Variants in UBTD2 observed in about 807,000 individuals in gnomAD.
UBTD2 encodes the protein ubiquitin domain-containing protein 2.
In UBTD2, 9 loss-of-function variants were observed where a neutral mutation model predicts 19.8. The ratio of observed to expected loss-of-function variants is 0.46; its 90% CI spans 0.27 to 0.79. UBTD2 has a LOEUF of 0.79. Among genes scored for constraint, UBTD2 ranks in the 30% least tolerant of loss-of-function variants. The pLI is 0.14. For missense variants in UBTD2, 250 were observed against 300.4 expected, an observed-to-expected ratio of 0.83 and a Z score of 1.24; for synonymous variants, 98 against 103.9, an observed-to-expected ratio of 0.94 and a Z score of 0.35.
At chr5:172,266,228 GC>G (rs1755374528) in intron 1 of UBTD2, among the ~76,000 whole-genome samples, 1 of 152,142 alleles carries the variant, frequency 6.6e-6, no homozygotes, top group Non-Finnish European at 1.5e-5. Context: ...ACCGCACCTG[GC>G]CAGCACCACA....
chr5:172,229,077 C>T (rs919547845), intron 2 of UBTD2, among the ~76,000 whole-genome samples: 1 of 152,108 alleles, frequency 6.6e-6, no homozygotes, highest in African/African-American at 2.4e-5. Flanking sequence ...AAAAGCCAAA[C>T]TGAAGAACTG....
intron 1 of UBTD2, among the ~76,000 whole-genome samples, chr5:172,265,980 C>A (rs1221083227): frequency 6.6e-6 from 1 of 151,136 alleles, no homozygotes; most frequent in Non-Finnish European, 1.5e-5. Flanking sequence ...GTCACCCAGG[C>A]TGGAGTGCAG....
chr5:172,225,715 C>A (rs1235991236), intron 2 of UBTD2, among the ~76,000 whole-genome samples: 1 of 152,116 alleles, frequency 6.6e-6, no homozygotes, highest in Non-Finnish European at 1.5e-5. Flanking sequence ...AAATTGTCCA[C>A]TTTAAACATG....
At chr5:172,275,251 A>G (rs921087448) in intron 1 of UBTD2, among the ~76,000 whole-genome samples, 3 of 152,168 alleles carry the variant, frequency 2.0e-5, no homozygotes, top group Non-Finnish European at 2.9e-5. Context: ...CTCACTCACT[A>G]TCACAAGAAC....
At chr5:172,257,383 CTGA>C (rs1019972703) in intron 1 of UBTD2, among the ~76,000 whole-genome samples, 26 of 152,196 alleles carry the variant, frequency 1.7e-4, no homozygotes, top group African/African-American at 6.3e-4. Flanking sequence ...ATCCAGTCCA[CTGA>C]TGATGGACAT....
At chr5:172,262,577 C>T (rs1271932768) in intron 1 of UBTD2, among the ~76,000 whole-genome samples, 1 of 151,516 alleles carries the variant, frequency 6.6e-6, no homozygotes, top group Non-Finnish European at 1.5e-5. Context: ...TTTGGGAGGC[C>T]GAGGTAGACG....
At chr5:172,222,954 C>G (rs1226884509) in intron 2 of UBTD2, among the ~76,000 whole-genome samples, 4 of 152,116 alleles carry the variant, frequency 2.6e-5, no homozygotes, top group Non-Finnish European at 5.9e-5. Flanking sequence ...AAGACAAAGC[C>G]TGCTGACTGT....
chr5:172,212,273 G>A, intron 2 of UBTD2, 46 bp from the exon 3 acceptor site: 2 of 1,529,068 alleles, frequency 1.3e-6, no homozygotes, highest in Non-Finnish European at 1.8e-6. Flanking sequence ...CTTAATGAAT[G>A]CATTTTTGTT....
chr5:172,270,195 C>G (rs921725134), intron 1 of UBTD2, among the ~76,000 whole-genome samples: 1 of 151,862 alleles, frequency 6.6e-6, no homozygotes, highest in Non-Finnish European at 1.5e-5. Flanking sequence ...ATCCTCCCAT[C>G]TCAGTCTCAC....
At chr5:172,281,976 T>C (rs530389512) in intron 1 of UBTD2, among the ~76,000 whole-genome samples, 1 of 152,324 alleles carries the variant, frequency 6.6e-6, no homozygotes, top group East Asian at 1.9e-4. Flanking sequence ...GATTTCACGC[T>C]TTTTAAAGCC....
chr5:172,276,645 G>A (rs2113136015), intron 1 of UBTD2, among the ~76,000 whole-genome samples: 1 of 152,016 alleles, frequency 6.6e-6, no homozygotes, highest in South Asian at 2.1e-4. Context: ...GTTGCATTAT[G>A]TTCCTTAGGA....
intron 2 of UBTD2, among the ~76,000 whole-genome samples, chr5:172,220,491 C>T (rs554255040): frequency 1.1e-4 from 17 of 152,188 alleles, no homozygotes; most frequent in South Asian, 6.2e-4. Flanking sequence ...CAAAACTAGC[C>T]GAGCGTGGTG....
In UBTD2 at chr5:172,259,163, G is replaced by C. The variant is rs1458466023; in HGVS notation, c.70+24433C>G. 2.0e-5 allele frequency among the ~76,000 whole-genome samples: 3 copies of C among 151,778 alleles called. No homozygotes were observed. The East Asian group carries it at 5.8e-4, about 29-fold the overall frequency. ...AGGGTTTTTGTTTTGTTTTTTTTGA[G>C]ACAGAGTCTCGTTATGTTACCCAGG... On this transcript the variant is annotated intron_variant, in intron 1 of 2. Coordinates refer to ENST00000393792, the MANE Select transcript of UBTD2 (RefSeq NM_152277.3).
At chr5:172,254,733 G>T in intron 1 of UBTD2, 1 of 296,158 alleles carries the variant, frequency 3.4e-6, no homozygotes, top group Non-Finnish European at 6.5e-6. Context: ...AATGCTTGTG[G>T]GGGGGAACAC....
At chr5:172,247,115 T>A (rs1201701051) in intron 1 of UBTD2, among the ~76,000 whole-genome samples, 1 of 151,952 alleles carries the variant, frequency 6.6e-6, no homozygotes, top group Non-Finnish European at 1.5e-5. Context: ...GTAAGTATGT[T>A]AACATAGAGA....
chr5:172,283,862 T>TA (rs1755780188), upstream of UBTD2: 1 of 186,880 alleles, frequency 5.4e-6, no homozygotes, highest in African/African-American at 2.4e-5. This position sits in a 1 kb window ranked among gnomAD's most constrained non-coding sequence, Gnocchi z 4.3. Context: ...CGCCCACTTC[T>TA]ACCTCAACCC....
chr5:172,226,557 C>G (rs995336909), intron 2 of UBTD2, among the ~76,000 whole-genome samples: 9 of 152,198 alleles, frequency 5.9e-5, no homozygotes, highest in African/African-American at 9.7e-5. Flanking sequence ...TACAGGGCAA[C>G]ACTCACCAAC....
At chr5:172,276,319 TCTTC>T (rs1755602198) in intron 1 of UBTD2, among the ~76,000 whole-genome samples, 1 of 152,158 alleles carries the variant, frequency 6.6e-6, no homozygotes, top group Admixed American at 6.5e-5. Flanking sequence ...TAAGCTCTTC[TCTTC>T]AAGAGTCCAC....
intron 2 of UBTD2, among the ~76,000 whole-genome samples, chr5:172,212,878 C>A (rs1473154928): frequency 3.3e-5 from 5 of 152,104 alleles, no homozygotes; most frequent in African/African-American, 9.7e-5. Flanking sequence ...GTTGGCCAGG[C>A]TGGTCTCAAA....
Sources: gnomAD v4.1 joint callset for allele counts (sites outside exome capture counted in the v4.1 genomes callset) on GRCh38, gnomAD v4.1.1 for gene constraint, Gnocchi (gnomAD v3.1) non-coding constraint, MANE v1.5 for transcripts, NCBI Gene and HGNC (gene_info 2026-07-23, HGNC 2026-07-21) for gene names.